The following CALN1 variants were observed in gnomAD, a reference collection of about 807,000 sequenced individuals.
CALN1 encodes calcium-binding protein 8.
A neutral mutation model predicts 30.6 loss-of-function variants in CALN1; 17 were observed. The observed-to-expected ratio is 0.56, with a 90% CI of 0.38 to 0.83. The LOEUF (loss-of-function observed/expected upper bound fraction) is 0.83, where lower values mean the gene tolerates loss of function less well. Among genes scored for constraint, CALN1 ranks in the 40% least tolerant of loss-of-function variants. The pLI is 0.00. For synonymous variants in CALN1, 156 were observed against 131.4 expected (o/e 1.19, Z -1.28); for missense variants, 291 against 354.9 (o/e 0.82, Z 1.45).
intron 4 of CALN1, among the ~76,000 whole-genome samples, chr7:72,048,862 C>T (rs561513655): frequency 6.6e-6 from 1 of 151,694 alleles, no homozygotes; most frequent in Non-Finnish European, 1.5e-5. Context: ...GAGTGCAGTG[C>T]CGTGCCATGA....
intron 5 of CALN1, among the ~76,000 whole-genome samples, chr7:71,871,906 T>C (rs944750552): frequency 2.0e-5 from 3 of 152,194 alleles, no homozygotes; most frequent in Admixed American, 6.5e-5. Context: ...TCTTCCACCA[T>C]GGTCTCGATC....
At chr7:72,421,572 ACTTTTTTTTTTTTTT>A (rs1807609833) in intron 1 of CALN1, among the ~76,000 whole-genome samples, 1 of 60,822 alleles carries the variant, frequency 1.6e-5, no homozygotes, top group Non-Finnish European at 3.3e-5. Context: ...ATTTTATCCT[ACTTTTTTTTTTTTTT>A]TTTTTTTTTT....
At chr7:71,846,541 T>TGTGC (rs1790247847) in intron 5 of CALN1, among the ~76,000 whole-genome samples, 1 of 151,838 alleles carries the variant, frequency 6.6e-6, no homozygotes, top group Non-Finnish European at 1.5e-5. Context: ...CGTGCGTGTG[T>TGTGC]GTGTATAGAT....
chr7:72,135,747 C>T (rs1809465301), intron 3 of CALN1, among the ~76,000 whole-genome samples: 1 of 152,216 alleles, frequency 6.6e-6, no homozygotes, highest in Admixed American at 6.5e-5. Context: ...TGGCCCCTCA[C>T]AAGAGTCAAC....
Position 72,048,702 on chromosome 7 carries a change from CCTT to C in CALN1, c.389-24936_389-24934del, listed in dbSNP as rs1158389229. On this transcript the variant is annotated intron_variant, in intron 4 of 6. Coordinates refer to ENST00000395275, the MANE Select transcript of CALN1 (RefSeq NM_031468.4). ...CCTTGTCTGCCTCCCCTTCTTCCTC[CCTT>C]CTTTCCTTTTTCCCTCTTCTTTCCT... 4.6e-5 allele frequency among the ~76,000 whole-genome samples: 7 copies of C among 150,760 alleles called. No homozygotes were observed. The East Asian group carries it at 5.8e-4, about 13-fold the overall frequency.
At chr7:72,409,021 A>T (rs902431752) in intron 1 of CALN1, among the ~76,000 whole-genome samples, 5 of 151,484 alleles carry the variant, frequency 3.3e-5, no homozygotes, top group East Asian at 2.0e-4. Flanking sequence ...GGTGGAACAG[A>T]GTCTTGCTCT....
At chr7:72,354,356 A>G (rs1213608791) in intron 2 of CALN1, among the ~76,000 whole-genome samples, 1 of 152,242 alleles carries the variant, frequency 6.6e-6, no homozygotes, top group Non-Finnish European at 1.5e-5. Context: ...TAGAGGTTTG[A>G]TAATTTTAAG....
chr7:71,787,690 G>C lies in CALN1; in HGVS notation c.*85C>G, dbSNP rs543237863. On this transcript the variant is annotated 3_prime_UTR_variant, in exon 7 of 7. Transcript: ENST00000395275. ...GCATCCATCCATAGTCCATAGGTCC[G>C]TGTCTGCTGTGTGGAGGAAGAGTCT... 19 of 1,556,074 alleles carry C rather than the reference G, an allele frequency of 1.2e-5. No homozygotes were observed. The highest frequency in any genetic ancestry group is 3.5e-5 in the Admixed American group (2 of 57,402).
At chr7:72,403,167 C>A (rs1806454466) in intron 2 of CALN1, 84 bp downstream of exon 2, 2 of 1,023,438 alleles carry the variant, frequency 2.0e-6, no homozygotes, top group Non-Finnish European at 2.8e-6. Context: ...GCAGCAGCGG[C>A]AAAGCCTCCT....
At chr7:72,094,558 A>G (rs564465621) in intron 4 of CALN1, among the ~76,000 whole-genome samples, 1 of 151,874 alleles carries the variant, frequency 6.6e-6, no homozygotes, top group African/African-American at 2.4e-5. Flanking sequence ...CTGGCCCAGA[A>G]TTTTTTTTTA....
At chr7:72,449,241 T>G (rs748103857), upstream of CALN1, among the ~76,000 whole-genome samples, 3 of 152,202 alleles carry the variant, frequency 2.0e-5, no homozygotes, top group African/African-American at 4.8e-5. Flanking sequence ...AGCACCAAGG[T>G]TGACCAAATC....
chr7:72,327,945 T>C (rs1338510197), intron 2 of CALN1, among the ~76,000 whole-genome samples: 1 of 152,156 alleles, frequency 6.6e-6, no homozygotes, highest in Non-Finnish European at 1.5e-5. Context: ...AAGTAACTTC[T>C]TACAGCAATA....
At chr7:72,357,425 G>C (rs748351078) in intron 2 of CALN1, among the ~76,000 whole-genome samples, 1 of 151,942 alleles carries the variant, frequency 6.6e-6, no homozygotes, top group Non-Finnish European at 1.5e-5. Flanking sequence ...GAAACAAAGG[G>C]ATTCGATTGG....
intron 5 of CALN1, among the ~76,000 whole-genome samples, chr7:72,016,033 G>A (rs188288891): frequency 1.2e-4 from 18 of 152,224 alleles, no homozygotes; most frequent in Admixed American, 1.0e-3. Flanking sequence ...CACATCACCT[G>A]AGGTCAGGAG....
chr7:72,406,695 C>A (rs1806724652), intron 1 of CALN1, among the ~76,000 whole-genome samples: 3 of 151,000 alleles, frequency 2.0e-5, no homozygotes. Flanking sequence ...CTGCTCACTG[C>A]AGGCTCTGCC....
chr7:72,256,376 C>T (rs1305333011), intron 3 of CALN1, among the ~76,000 whole-genome samples: 1 of 152,110 alleles, frequency 6.6e-6, no homozygotes, highest in African/African-American at 2.4e-5. Context: ...AGGAAGATCA[C>T]TTGAGCCCAG....
intron 4 of CALN1, among the ~76,000 whole-genome samples, chr7:72,043,651 G>A (rs926981768): frequency 6.6e-6 from 1 of 152,044 alleles, no homozygotes; most frequent in African/African-American, 2.4e-5. Context: ...CTATGCTTTG[G>A]TCCCAGCCAC....
intron 5 of CALN1, among the ~76,000 whole-genome samples, chr7:71,960,836 G>A (rs1406411335): frequency 1.3e-5 from 2 of 152,066 alleles, no homozygotes; most frequent in Non-Finnish European, 2.9e-5. Context: ...ATTGTTTTTT[G>A]AGACAGAGTC....
intron 5 of CALN1, among the ~76,000 whole-genome samples, chr7:71,845,559 G>A (rs1790179582): frequency 6.6e-6 from 1 of 152,132 alleles, no homozygotes; most frequent in Admixed American, 6.5e-5. Context: ...CTGACTTCCT[G>A]CTTTATGATT....
Sources: gnomAD v4.1 joint callset for allele counts (sites outside exome capture counted in the v4.1 genomes callset) on GRCh38, gnomAD v4.1.1 for gene constraint, MANE v1.5 for transcripts, NCBI Gene and HGNC (gene_info 2026-07-23, HGNC 2026-07-21) for gene names.